C12orf42: variants seen among roughly 807,000 people sequenced by gnomAD.
C12orf42 encodes uncharacterized protein C12orf42.
A neutral mutation model predicts 21.6 loss-of-function variants in C12orf42; 25 were observed. The ratio of observed to expected loss-of-function variants is 1.16; its 90% CI spans 0.84 to 1.62. C12orf42 has a LOEUF of 1.62. Ranked by LOEUF, C12orf42 falls within the 40% of genes most tolerant of loss-of-function variation. The pLI is 0.00. For synonymous variants in C12orf42, 174 were observed against 175.0 expected, an observed-to-expected ratio of 0.99 and a Z score of 0.05; for missense variants, 483 against 459.3, an observed-to-expected ratio of 1.05 and a Z score of -0.47.
chr12:103,323,134 A>G (rs1295865063), intron 4 of C12orf42, among the ~76,000 whole-genome samples: 1 of 152,156 alleles, frequency 6.6e-6, no homozygotes, highest in East Asian at 1.9e-4. Context: ...ACATATATGT[A>G]TATATATTTC....
intron 10 of C12orf42, among the ~76,000 whole-genome samples, chr12:103,253,305 T>C (rs1390444191): frequency 1.3e-5 from 2 of 148,676 alleles, no homozygotes; most frequent in Admixed American, 1.4e-4. Flanking sequence ...TTTTGTTCTA[T>C]TTGAAATTTA....
At chr12:103,472,974 A>T (rs1307719309) in intron 2 of C12orf42, among the ~76,000 whole-genome samples, 1 of 152,188 alleles carries the variant, frequency 6.6e-6, no homozygotes, top group Admixed American at 6.5e-5. Context: ...CAGGGCTTTT[A>T]GTTCTGCATC....
At chr12:103,169,438 G>T in the C12orf42 span, among the ~76,000 whole-genome samples, 1 of 151,356 alleles carries the variant, frequency 6.6e-6, no homozygotes, top group Non-Finnish European at 1.5e-5. Flanking sequence ...AAAAAAATCA[G>T]AACATCTCTA....
At chr12:103,070,515 T>TAC in the C12orf42 span, among the ~76,000 whole-genome samples, 2,254 of 120,100 alleles carry the variant, frequency 0.019, 29 homozygotes, top group African/African-American at 0.048. Flanking sequence ...TACATACACA[T>TAC]ACACACACAC....
At chr12:103,386,982 C>T (rs893287465) in intron 3 of C12orf42, among the ~76,000 whole-genome samples, 31 of 152,234 alleles carry the variant, frequency 2.0e-4, no homozygotes, top group Non-Finnish European at 4.0e-4. Flanking sequence ...CACAGCTCCA[C>T]ATCCCATTCA....
At chr12:103,489,734 A>G (rs1173088521) in intron 1 of C12orf42, among the ~76,000 whole-genome samples, 1 of 152,262 alleles carries the variant, frequency 6.6e-6, no homozygotes, top group Non-Finnish European at 1.5e-5. Flanking sequence ...GCAAGGCTCC[A>G]TGGGCATGGG....
chr12:103,187,714 ATTG>A, the C12orf42 span, among the ~76,000 whole-genome samples: 10 of 152,158 alleles, frequency 6.6e-5, no homozygotes, highest in Non-Finnish European at 1.2e-4. Flanking sequence ...AAAGGCTGGA[ATTG>A]TTGTCATTTT....
the C12orf42 span, chr12:103,558,499 A>G: frequency 6.6e-6 from 1 of 152,030 alleles, no homozygotes; most frequent in Non-Finnish European, 1.5e-5. Flanking sequence ...GTGTGTGTCT[A>G]CTTCCTCCTC....
At chr12:103,328,414 G>T (rs1213776327) in intron 4 of C12orf42, among the ~76,000 whole-genome samples, 1 of 152,006 alleles carries the variant, frequency 6.6e-6, no homozygotes, top group East Asian at 1.9e-4. Flanking sequence ...TAGTTGCTGA[G>T]CAGATAAAAG....
chr12:103,248,750 C>A (rs2034136299), intron 10 of C12orf42, among the ~76,000 whole-genome samples: 1 of 151,938 alleles, frequency 6.6e-6, no homozygotes, highest in South Asian at 2.1e-4. Context: ...TTGCACAAAC[C>A]ACTTGACCTC....
chr12:103,173,716 T>A, the C12orf42 span, among the ~76,000 whole-genome samples: 3 of 152,120 alleles, frequency 2.0e-5, no homozygotes, highest in Non-Finnish European at 4.4e-5. Flanking sequence ...ATTCTTTCCT[T>A]TGGTGGATTG....
At chr12:103,430,520 G>A (rs908917078) in intron 2 of C12orf42, among the ~76,000 whole-genome samples, 1 of 152,182 alleles carries the variant, frequency 6.6e-6, no homozygotes, top group African/African-American at 2.4e-5. Context: ...TGGTGGGAGT[G>A]TAAATTAGTT....
the C12orf42 span, among the ~76,000 whole-genome samples, chr12:103,062,570 T>C: frequency 6.6e-6 from 1 of 152,122 alleles, no homozygotes; most frequent in African/African-American, 2.4e-5. Flanking sequence ...TTGGCCATTA[T>C]TTCTAATTAT....
the C12orf42 span, among the ~76,000 whole-genome samples, chr12:103,147,623 C>CTTTTTTTTTTTTTTTTTT: frequency 2.0e-5 from 2 of 99,314 alleles, no homozygotes; most frequent in African/African-American, 4.1e-5. Flanking sequence ...TTCTCTCTCT[C>CTTTTTTTTTTTTTTTTTT]TTTTTTTTTT....
the C12orf42 span, among the ~76,000 whole-genome samples, chr12:103,154,166 C>G: frequency 1.3e-5 from 2 of 151,872 alleles, no homozygotes; most frequent in Middle Eastern, 3.4e-3. Flanking sequence ...GGTGGCTACT[C>G]TTGTAGAAGG....
intron 4 of C12orf42, among the ~76,000 whole-genome samples, chr12:103,345,514 A>C (rs1336060975): frequency 6.6e-6 from 1 of 152,212 alleles, no homozygotes; most frequent in Non-Finnish European, 1.5e-5. Context: ...AATTAATCAG[A>C]AAATTATGGG....
the C12orf42 span, among the ~76,000 whole-genome samples, chr12:103,539,825 C>T: frequency 3.3e-4 from 50 of 151,358 alleles, no homozygotes; most frequent in Non-Finnish European, 1.3e-4. Flanking sequence ...GTGATTCGCC[C>T]GCCTTGGCTT....
intron 2 of C12orf42, among the ~76,000 whole-genome samples, chr12:103,425,772 T>C (rs1949757555): frequency 6.6e-6 from 1 of 152,038 alleles, no homozygotes; most frequent in Admixed American, 6.6e-5. Context: ...TGACTGGAGC[T>C]TCTGCCTTTC....
At chr12:103,549,288 G>C in the C12orf42 span, among the ~76,000 whole-genome samples, 1 of 152,068 alleles carries the variant, frequency 6.6e-6, no homozygotes, top group African/African-American at 2.4e-5. Flanking sequence ...AACAATTGTA[G>C]ATACATTAGA....
Sources: gnomAD v4.1 joint callset for allele counts (sites outside exome capture counted in the v4.1 genomes callset) on GRCh38, gnomAD v4.1.1 for gene constraint, MANE v1.5 for transcripts, NCBI Gene and HGNC (gene_info 2026-07-23, HGNC 2026-07-21) for gene names.